The following RIMS2 variants were observed in gnomAD, a reference collection of about 807,000 sequenced individuals.
RIMS2 encodes the protein regulating synaptic membrane exocytosis protein 2.
In RIMS2, 59 loss-of-function variants were observed where a neutral mutation model predicts 174.4. The observed-to-expected ratio is 0.34, with a 90% confidence interval of 0.27 to 0.42. The LOEUF (loss-of-function observed/expected upper bound fraction) is 0.42, where lower values mean the gene tolerates loss of function less well. Among genes scored for constraint, RIMS2 ranks in the 10% least tolerant of loss-of-function variants. The pLI is 1.00. For synonymous variants in RIMS2, 606 were observed against 572.5 expected (o/e 1.06, Z -0.84); for missense variants, 1,620 against 1,666.3 (o/e 0.97, Z 0.48).
chr8:104,147,922 ACTGT>A (rs1372062985), intron 19 of RIMS2, among the ~76,000 whole-genome samples: 1 of 152,236 alleles, frequency 6.6e-6, no homozygotes, highest in African/African-American at 2.4e-5. Flanking sequence ...TTTCTGGCAC[ACTGT>A]CTGGAAAACT....
rs182923849 is a variant in RIMS2, at chr8:103,674,207, C to G, written c.177-22879C>G. On this transcript the variant is annotated intron_variant, in intron 1 of 23. Transcript: ENST00000504942. ...TTTGGTCACAACTGTTTAATCAGTC[C>G]CTAAGAAGTTCCAAACTTTCCTTCA... Among the ~76,000 whole-genome samples, 22 of 152,236 alleles carry G rather than the reference C, an allele frequency of 1.4e-4. No individual in the cohort carries two copies. The East Asian group carries it at 3.7e-3, about 25-fold the overall frequency.
intron 3 of RIMS2, chr8:103,819,530 A>G: frequency 6.2e-7 from 1 of 1,612,650 alleles, no homozygotes; most frequent in South Asian, 1.1e-5. Flanking sequence ...ACATTGCGCC[A>G]GGTCTGCAAT....
intron 10 of RIMS2, among the ~76,000 whole-genome samples, chr8:103,923,475 A>G (rs997001388): frequency 1.3e-5 from 2 of 151,818 alleles, no homozygotes; most frequent in Non-Finnish European, 3.0e-5. Context: ...AAATTCAACT[A>G]TTTTTCTTCA....
chr8:103,968,812 C>G (rs1229792270), intron 15 of RIMS2, among the ~76,000 whole-genome samples: 1 of 151,900 alleles, frequency 6.6e-6, no homozygotes, highest in Admixed American at 6.6e-5. Flanking sequence ...CTCTTTCTTT[C>G]TATATGTAGC....
chr8:104,201,476 C>T (rs1372509307), intron 19 of RIMS2, among the ~76,000 whole-genome samples: 1 of 151,852 alleles, frequency 6.6e-6, no homozygotes, highest in East Asian at 1.9e-4. Context: ...AATGCATAAT[C>T]GAGGAATGTA....
At chr8:103,918,359 T>C (rs2076989782) in intron 8 of RIMS2, 82 bp from the exon 12 acceptor site, 2 of 785,128 alleles carry the variant, frequency 2.5e-6, no homozygotes, top group Non-Finnish European at 4.1e-6. Context: ...CTCCTATTAA[T>C]AGGTTGATAA....
chr8:104,023,051 TAC>T (rs2096147112), intron 19 of RIMS2, among the ~76,000 whole-genome samples: 2 of 152,342 alleles, frequency 1.3e-5, no homozygotes, highest in South Asian at 4.1e-4. Context: ...GCTTTTTATT[TAC>T]AGTTTATTTT....
At chr8:104,092,046 G>A (rs2097668778) in intron 19 of RIMS2, among the ~76,000 whole-genome samples, 1 of 151,650 alleles carries the variant, frequency 6.6e-6, no homozygotes, top group African/African-American at 2.4e-5. Context: ...AAATTTTGTG[G>A]AGCCTTAGAA....
At chr8:103,938,984 C>G (rs1351344523) in intron 13 of RIMS2, among the ~76,000 whole-genome samples, 1 of 152,164 alleles carries the variant, frequency 6.6e-6, no homozygotes. Flanking sequence ...GAGTATAACC[C>G]CCCTCCTGGC....
chr8:103,796,016 C>T (rs1341339710), intron 3 of RIMS2, among the ~76,000 whole-genome samples: 2 of 152,052 alleles, frequency 1.3e-5, no homozygotes, highest in African/African-American at 4.8e-5. Flanking sequence ...TTTAAAGATA[C>T]TTAGGTATCA....
chr8:103,994,244 A>G lies in RIMS2; in HGVS notation c.3044+4823A>G, dbSNP rs370822625. 1.2e-4 allele frequency among the ~76,000 whole-genome samples: 18 copies of G among 152,096 alleles called. No individual in the cohort carries two copies. The East Asian group carries it at 3.3e-3, about 28-fold the overall frequency. On this transcript the variant is annotated intron_variant, in intron 17 of 23. Transcript: ENST00000504942. ...TGGAAGGACAATTCATTATAAATAT[A>G]ATTTTGTGTTGTCTTTAAAGGTTAT...
chr8:103,992,350 T>C (rs2094778507), intron 17 of RIMS2, among the ~76,000 whole-genome samples: 1 of 146,238 alleles, frequency 6.8e-6, no homozygotes, highest in Admixed American at 7.1e-5. Context: ...GGTCTTGAAC[T>C]CCTGACTTCA....
intron 1 of RIMS2, among the ~76,000 whole-genome samples, chr8:103,543,891 A>T (rs1843681497): frequency 6.6e-6 from 1 of 152,250 alleles, no homozygotes; most frequent in Non-Finnish European, 1.5e-5. Context: ...CTCTTAGAGG[A>T]CAACATAGCA....
intron 19 of RIMS2, among the ~76,000 whole-genome samples, chr8:104,023,615 G>A (rs1347732435): frequency 4.6e-5 from 7 of 152,168 alleles, no homozygotes. Flanking sequence ...GGGAATATCA[G>A]GTGCTCAGTT....
chr8:103,912,396 A>C (rs2154527563), intron 6 of RIMS2, among the ~76,000 whole-genome samples: 1 of 152,288 alleles, frequency 6.6e-6, no homozygotes, highest in South Asian at 2.1e-4. Flanking sequence ...AATTTGGAAG[A>C]CATTAAAAGT....
chr8:103,756,574 C>T (rs6468890), intron 2 of RIMS2, among the ~76,000 whole-genome samples: 34,792 of 151,364 alleles, frequency 0.23, 4,279 homozygotes, highest in Non-Finnish European at 0.25. Flanking sequence ...GGGTGGGCCA[C>T]GCCACTATGT....
chr8:103,996,369 A>G (rs922573169), intron 17 of RIMS2, among the ~76,000 whole-genome samples: 1 of 152,024 alleles, frequency 6.6e-6, no homozygotes, highest in Non-Finnish European at 1.5e-5. Flanking sequence ...TTCTAGTCTC[A>G]CAATGAACAT....
chr8:104,250,431 G>T lies in RIMS2; in HGVS notation c.3692-593G>T, dbSNP rs528320862. On this transcript the variant is annotated intron_variant, in intron 22 of 23. Coordinates refer to ENST00000504942, the Ensembl canonical transcript of RIMS2. ...GATTAAGACAGTTGTGTTTATATAT[G>T]TCTTAGAGCTAGTCAACTCACTCTG... is the stretch of plus-strand genomic sequence containing the variant. 2.0e-5 allele frequency among the ~76,000 whole-genome samples: 3 copies of T among 152,212 alleles called. No homozygotes were observed. The South Asian group carries it at 6.2e-4, about 32-fold the overall frequency.
At chr8:103,863,832 A>T (rs7462119) in intron 3 of RIMS2, among the ~76,000 whole-genome samples, 1 of 150,760 alleles carries the variant, frequency 6.6e-6, no homozygotes, top group African/African-American at 2.4e-5. Flanking sequence ...TTTTGTTTGT[A>T]CTGGTTAATC....
Sources: allele counts gnomAD v4.1 joint callset (sites outside exome capture counted in the v4.1 genomes callset), GRCh38; gene constraint gnomAD v4.1.1; transcripts MANE v1.5; gene names NCBI Gene and HGNC (gene_info 2026-07-23, HGNC 2026-07-21).